Variants in PLCB1 observed in about 807,000 individuals in gnomAD.
The protein encoded by PLCB1 is 1-phosphatidylinositol 4,5-bisphosphate phosphodiesterase beta-1.
Under a neutral mutation model 161.8 loss-of-function variants are expected in PLCB1, and 46 were observed. The observed-to-expected ratio is 0.28, with a 90% CI of 0.22 to 0.36. PLCB1 has a LOEUF of 0.36. Ranked by LOEUF, PLCB1 falls within the 10% of genes least tolerant of loss-of-function variation. The pLI is 1.00. For synonymous variants in PLCB1, 517 were observed against 503.7 expected, an observed-to-expected ratio of 1.03 and a Z score of -0.35; for missense variants, 1,016 against 1,472.5, an observed-to-expected ratio of 0.69 and a Z score of 5.07.
At chr20:8,396,633 T>C (rs1987775608) in intron 3 of PLCB1, among the ~76,000 whole-genome samples, 2 of 152,052 alleles carry the variant, frequency 1.3e-5, no homozygotes, top group South Asian at 2.1e-4. Context: ...TGTCAACATC[T>C]GATGCTACTG....
chr20:8,693,904 A>C (rs978007361), intron 10 of PLCB1, among the ~76,000 whole-genome samples: 5 of 152,194 alleles, frequency 3.3e-5, no homozygotes, highest in East Asian at 1.9e-4. Flanking sequence ...AAGGAGCTTC[A>C]GCTCCCAAGT....
intron 31 of PLCB1, among the ~76,000 whole-genome samples, chr20:8,813,554 G>A (rs1984935688): frequency 1.3e-5 from 2 of 152,164 alleles, no homozygotes; most frequent in African/African-American, 2.4e-5. Flanking sequence ...TGAGGGCCAG[G>A]CACGGTGGCT....
intron 1 of PLCB1, among the ~76,000 whole-genome samples, chr20:8,144,004 T>A (rs1446175598): frequency 6.6e-6 from 1 of 152,152 alleles, no homozygotes; most frequent in Non-Finnish European, 1.5e-5. Flanking sequence ...CAACCAAAAT[T>A]GTCTCCAGAC....
At position 8,840,474 on chromosome 20, in the gene PLCB1, G is replaced by A. The variant is rs183524550; in HGVS notation, c.3424-41148G>A. On this transcript the variant is annotated intron_variant, in intron 31 of 31. Coordinates refer to ENST00000338037, the MANE Select transcript of PLCB1 (RefSeq NM_015192.4). ...ACAGTAGCAAGAACATGGTGAGCTGGGTGGAAAACAATGAGTTAGGTCTTG... is the reference window on the plus strand; with the variant it reads ...ACAGTAGCAAGAACATGGTGAGCTGAGTGGAAAACAATGAGTTAGGTCTTG... Among the ~76,000 whole-genome samples the A allele has an allele frequency of 8.9e-4, 135 of 152,298 alleles. No individual in the cohort carries two copies. The South Asian group carries it at 0.01, about 12-fold the overall frequency.
At chr20:8,427,824 C>A (rs1472405524) in intron 3 of PLCB1, among the ~76,000 whole-genome samples, 1 of 152,132 alleles carries the variant, frequency 6.6e-6, no homozygotes, top group African/African-American at 2.4e-5. Flanking sequence ...TATGCAGGAC[C>A]TGAAAGAATA....
chr20:8,260,595 T>C (rs934991148), intron 2 of PLCB1, among the ~76,000 whole-genome samples: 1 of 151,998 alleles, frequency 6.6e-6, no homozygotes, highest in Non-Finnish European at 1.5e-5. Context: ...TTAGATTCTG[T>C]CCAAGGTGCT....
chr20:8,403,493 T>A (rs1978651493), intron 3 of PLCB1, among the ~76,000 whole-genome samples: 1 of 152,148 alleles, frequency 6.6e-6, no homozygotes, highest in Admixed American at 6.5e-5. Context: ...AATATTAGAT[T>A]TTAATTTGCC....
chr20:8,255,888 T>A (rs1179855560), intron 2 of PLCB1, among the ~76,000 whole-genome samples: 2 of 152,114 alleles, frequency 1.3e-5, no homozygotes, highest in Non-Finnish European at 2.9e-5. Flanking sequence ...ATGATGGTGG[T>A]CTTATAAGAT....
At chr20:8,142,078 G>A (rs1391151187) in intron 1 of PLCB1, 3 of 152,344 alleles carry the variant, frequency 2.0e-5, no homozygotes, top group East Asian at 3.9e-4. Flanking sequence ...ACTTCTGGAG[G>A]GCTATAGCTT....
intron 2 of PLCB1, among the ~76,000 whole-genome samples, chr20:8,267,344 T>TGGGG (rs1982020842): frequency 6.6e-6 from 1 of 152,150 alleles, no homozygotes; most frequent in African/African-American, 2.4e-5. Context: ...CACTGCCTTC[T>TGGGG]GCGGGGTAGC....
intron 2 of PLCB1, among the ~76,000 whole-genome samples, chr20:8,227,838 C>A (rs1304802965): frequency 1.3e-5 from 2 of 152,080 alleles, no homozygotes; most frequent in African/African-American, 2.4e-5. Context: ...TCTGGGAAAA[C>A]CCACTCAAAG....
At chr20:8,197,113 G>A (rs2052033311) in intron 2 of PLCB1, among the ~76,000 whole-genome samples, 1 of 152,094 alleles carries the variant, frequency 6.6e-6, no homozygotes, top group Non-Finnish European at 1.5e-5. Flanking sequence ...ATTGTGAGTA[G>A]TGCCGCAATA....
chr20:8,600,387 G>A (rs1474484470), intron 3 of PLCB1, among the ~76,000 whole-genome samples: 1 of 127,862 alleles, frequency 7.8e-6, no homozygotes, highest in African/African-American at 3.2e-5. Context: ...CCCCTGCTGG[G>A]GGGTGCCTCC....
intron 3 of PLCB1, among the ~76,000 whole-genome samples, chr20:8,444,193 C>A (rs1980701048): frequency 6.6e-6 from 1 of 152,024 alleles, no homozygotes; most frequent in South Asian, 2.1e-4. Context: ...TCCCACCTCC[C>A]CCCACCACAT....
intron 4 of PLCB1, among the ~76,000 whole-genome samples, chr20:8,644,902 A>T (rs1568544095): frequency 6.6e-6 from 1 of 152,218 alleles, no homozygotes; most frequent in African/African-American, 2.4e-5. Flanking sequence ...AAAGGTGGGG[A>T]AAAGATTGAG....
chr20:8,499,426 TA>T (rs1983312212), intron 3 of PLCB1, among the ~76,000 whole-genome samples: 1 of 152,194 alleles, frequency 6.6e-6, no homozygotes, highest in African/African-American at 2.4e-5. Context: ...AATAACTATA[TA>T]TTTTTTTCTG....
chr20:8,727,910 G>A (rs2123489278), intron 17 of PLCB1, among the ~76,000 whole-genome samples: 1 of 152,076 alleles, frequency 6.6e-6, no homozygotes, highest in East Asian at 1.9e-4. Flanking sequence ...TGATATTACT[G>A]ACAACAAAAA....
intron 2 of PLCB1, among the ~76,000 whole-genome samples, chr20:8,312,263 C>T (rs770288082): frequency 6.6e-6 from 1 of 152,220 alleles, no homozygotes; most frequent in African/African-American, 2.4e-5. Context: ...TTCTCAAGCG[C>T]GCATACAATT....
At chr20:8,620,208 C>T (rs1988142081) in intron 3 of PLCB1, among the ~76,000 whole-genome samples, 1 of 152,044 alleles carries the variant, frequency 6.6e-6, no homozygotes, top group Non-Finnish European at 1.5e-5. Flanking sequence ...TGATTGATTA[C>T]TTATTTTAAG....
Sources: allele counts gnomAD v4.1 joint callset (sites outside exome capture counted in the v4.1 genomes callset), GRCh38; gene constraint gnomAD v4.1.1; transcripts MANE v1.5; gene names NCBI Gene and HGNC (gene_info 2026-07-23, HGNC 2026-07-21).